The following DET1 variants were observed in gnomAD, a reference collection of about 807,000 sequenced individuals.
DET1 encodes the protein DET1 homolog.
A neutral mutation model predicts 43.7 loss-of-function variants in DET1; 22 were observed. That is an observed-to-expected ratio of 0.50 (90% CI 0.36 to 0.72). DET1 has a LOEUF of 0.72. Ranked by LOEUF, DET1 falls within the 30% of genes least tolerant of loss-of-function variation. The pLI is 0.00. For synonymous variants in DET1, 315 were observed against 266.2 expected (o/e 1.18, Z -1.79); for missense variants, 713 against 713.3 (o/e 1.00, Z 0.00).
At chr15:88,511,561 C>A (rs2056201469), downstream of DET1, 1 of 985,404 alleles carries the variant, frequency 1.0e-6, no homozygotes, top group African/African-American at 1.7e-5. Context: ...CTTTTTCTGC[C>A]CTTCCTTCAT....
At chr15:88,505,402 T>C (rs530577350) in intron 7 of DET1, 2 of 152,366 alleles carry the variant, frequency 1.3e-5, no homozygotes, top group South Asian at 2.1e-4. Flanking sequence ...TAAAAAATCA[T>C]GTTCATTCCT....
At chr15:88,514,952 A>G (rs927466599) in intron 4 of DET1, among the ~76,000 whole-genome samples, 37 of 152,298 alleles carry the variant, frequency 2.4e-4, no homozygotes, top group East Asian at 3.9e-4. Flanking sequence ...AATGTATCTC[A>G]TGGTACTTGA....
At chr15:88,521,570 T>A (rs1278177925) in intron 3 of DET1, among the ~76,000 whole-genome samples, 1 of 152,194 alleles carries the variant, frequency 6.6e-6, no homozygotes, top group Non-Finnish European at 1.5e-5. Context: ...TTGAAGTACA[T>A]CTCCATAGGC....
At chr15:88,542,254 G>C (rs1451184201) in intron 1 of DET1, among the ~76,000 whole-genome samples, 1 of 152,096 alleles carries the variant, frequency 6.6e-6, no homozygotes, top group Non-Finnish European at 1.5e-5. Flanking sequence ...GGAAGCTAGA[G>C]ACCTCCTGGA....
intron 1 of DET1, among the ~76,000 whole-genome samples, chr15:88,540,061 C>G (rs1002528624): frequency 6.6e-6 from 1 of 152,066 alleles, no homozygotes; most frequent in East Asian, 1.9e-4. Flanking sequence ...CCCCTCGTCC[C>G]TGCCCCCTAC....
At chr15:88,544,079 C>G (rs1256326642) in intron 1 of DET1, among the ~76,000 whole-genome samples, 1 of 152,126 alleles carries the variant, frequency 6.6e-6, no homozygotes, top group Non-Finnish European at 1.5e-5. Flanking sequence ...AGTTAAGTTC[C>G]TACTCAATAA....
intron 3 of DET1, among the ~76,000 whole-genome samples, chr15:88,522,685 T>G (rs4932451): frequency 6.6e-6 from 1 of 151,244 alleles, no homozygotes; most frequent in African/African-American, 2.4e-5. Flanking sequence ...ATTTTTTTTG[T>G]ATTTTTTTTT....
chr15:88,513,622 GTTTTTTT>G (rs34991328), intron 4 of DET1, among the ~76,000 whole-genome samples: 2 of 115,386 alleles, frequency 1.7e-5, no homozygotes, highest in Non-Finnish European at 3.5e-5. Context: ...CTATTAGTGA[GTTTTTTT>G]TTTTTTTTTT....
chr15:88,540,798 A>G (rs938447139), intron 1 of DET1, among the ~76,000 whole-genome samples: 2 of 138,998 alleles, frequency 1.4e-5, no homozygotes, highest in African/African-American at 2.9e-5. Context: ...GCTCCTTAAG[A>G]GTCATCACCA....
chr15:88,535,028 A>G (rs2056911893), intron 1 of DET1, among the ~76,000 whole-genome samples: 1 of 152,248 alleles, frequency 6.6e-6, no homozygotes, highest in African/African-American at 2.4e-5. Flanking sequence ...AGTACCTATT[A>G]TAAAAATGTT....
At position 88,530,746 on chromosome 15, in the gene DET1, G is replaced by A. The variant is rs759170302; in HGVS notation, c.960C>T (p.Phe320=). 25 of 1,613,838 alleles carry A rather than the reference G, an allele frequency of 1.5e-5. No individual in the cohort carries two copies. In the Admixed American group the frequency reaches 1.7e-4, roughly 11 times the overall value. The change falls in exon 2 of 5, where the codon TTC becomes TTT. Residue 320 remains phenylalanine, a synonymous_variant. Transcript: ENST00000268148. ...GCTGCCGCAGTTGGTCAAAATACTG[G>A]AAGAAGCGCCTCTTGGCCATTGCAC... is the stretch of plus-strand genomic sequence containing the variant. ...DGSAMAKRRF[F]QYFDQLRQLR...
chr15:88,542,706 C>A (rs543290356), intron 1 of DET1, among the ~76,000 whole-genome samples: 4 of 152,214 alleles, frequency 2.6e-5, no homozygotes, highest in African/African-American at 7.2e-5. Flanking sequence ...CTATAAAAGA[C>A]AAGCAAAAAT....
intron 4 of DET1, among the ~76,000 whole-genome samples, chr15:88,514,460 G>A (rs2056287817): frequency 6.6e-6 from 1 of 152,168 alleles, no homozygotes; most frequent in African/African-American, 2.4e-5. Flanking sequence ...CTCAGAATTT[G>A]ATTTAAGTGA....
At chr15:88,507,012 C>G (rs2056148803) in intron 7 of DET1, among the ~76,000 whole-genome samples, 1 of 152,172 alleles carries the variant, frequency 6.6e-6, no homozygotes, top group African/African-American at 2.4e-5. Context: ...TAAGAACTGC[C>G]TTAAATCCTT....
chr15:88,531,566 A>G lies in DET1; in HGVS notation c.140T>C (p.Phe47Ser), dbSNP rs1186170582. Reference sequence around the variant, plus strand: ...AACGTTGACAACTGTGAAGTTGGGGAAGACATTCTGATGGAACACTCGGAC... The same window carrying G: ...AACGTTGACAACTGTGAAGTTGGGGGAGACATTCTGATGGAACACTCGGAC... ...HQVRVFHQNVFPNFTVVNVEK... is the reference protein window; with the variant it reads ...HQVRVFHQNVSPNFTVVNVEK... Residue 47 changes from phenylalanine (F) to serine (S), a missense_variant, in exon 2 of 5, where the codon TTC (phenylalanine) becomes TCC (serine). By Grantham distance (155) the Phe-to-Ser change is radical. Transcript: ENST00000268148. The surrounding 1 kb of genome is among the most constrained non-coding windows in gnomAD (Gnocchi z 6.2). The G allele has an allele frequency of 6.2e-7, 1 of 1,613,888 alleles. No individual in the cohort carries two copies. Among genetic ancestry groups the G allele is most frequent in the African/African-American group, 1.3e-5 (1 of 74,938 alleles).
At position 88,531,911 on chromosome 15, in the gene DET1, A is replaced by G. The variant is rs2056825664; in HGVS notation, c.-10-196T>C. 1 of 589,354 alleles carries G rather than the reference A, an allele frequency of 1.7e-6. No homozygotes were observed. Among genetic ancestry groups the G allele is most frequent in the African/African-American group, 1.9e-5 (1 of 53,582 alleles). The allele number at this position is 589,354 out of a possible 1,614,324, so 36.5% of individuals were successfully genotyped here. On this transcript the variant is annotated intron_variant, in intron 1 of 4. Coordinates refer to ENST00000268148, the MANE Select transcript of DET1 (RefSeq NM_001144074.3). This position sits in a 1 kb window ranked among gnomAD's most constrained non-coding sequence, Gnocchi z 6.2. ...ATTTCTAAGTCTAGAAACAGGTCTA[A>G]GGGAAGGATCTAGTTCACTAGGAAT...
At chr15:88,521,714 A>AT (rs201352668) in intron 3 of DET1, among the ~76,000 whole-genome samples, 3,339 of 152,204 alleles carry the variant, frequency 0.022, 96 homozygotes, top group African/African-American at 0.076. Flanking sequence ...TGAGGGCATG[A>AT]TTTTAATGAC....
downstream of DET1, among the ~76,000 whole-genome samples, chr15:88,512,107 C>A (rs924038142): frequency 6.6e-6 from 1 of 152,196 alleles, no homozygotes; most frequent in Admixed American, 6.5e-5. Flanking sequence ...TGTAGGGACA[C>A]CTGCGGCTTG....
chr15:88,540,909 T>C lies in DET1; in HGVS notation c.-11+5631A>G, dbSNP rs879892610. ...TTGTCCAAGGTTTCTCCCCATGTGA[T>C]AGTCTGAAATATGGCCTCGTGGGAA... is the stretch of plus-strand genomic sequence containing the variant. On this transcript the variant is annotated intron_variant, in intron 1 of 4. Coordinates refer to ENST00000268148, the MANE Select transcript of DET1 (RefSeq NM_001144074.3). Among the ~76,000 whole-genome samples the C allele has an allele frequency of 1.3e-4, 11 of 86,206 alleles. 1 individual carries two copies. Among genetic ancestry groups the C allele is most frequent in the African/African-American group, 6.7e-4 (10 of 14,912 alleles). The allele number at this position is 86,206 out of a possible 152,430, so 56.6% of individuals were successfully genotyped here.
Sources: gnomAD v4.1 joint callset for allele counts (sites outside exome capture counted in the v4.1 genomes callset) on GRCh38, gnomAD v4.1.1 for gene constraint, Gnocchi (gnomAD v3.1) non-coding constraint, MANE v1.5 for transcripts, NCBI Gene and HGNC (gene_info 2026-07-23, HGNC 2026-07-21) for gene names.